Variants in SFSWAP observed in about 807,000 individuals in gnomAD.
SFSWAP encodes the protein splicing factor, suppressor of white-apricot homolog.
Under a neutral mutation model 100.7 loss-of-function variants are expected in SFSWAP, and 17 were observed. The observed-to-expected ratio is 0.17, with a 90% CI of 0.12 to 0.25. The LOEUF is 0.25. Among genes scored for constraint, SFSWAP ranks in the 10% least tolerant of loss-of-function variants. The pLI, the probability that SFSWAP is intolerant of heterozygous loss-of-function variation, is 1.00. For missense variants in SFSWAP, 1,005 were observed against 1,262.6 expected, an observed-to-expected ratio of 0.80 and a Z score of 3.09; for synonymous variants, 504 against 510.1, an observed-to-expected ratio of 0.99 and a Z score of 0.16.
At chr12:131,776,832 TGAG>T (rs1028018969) in intron 13 of SFSWAP, among the ~76,000 whole-genome samples, 30 of 152,214 alleles carry the variant, frequency 2.0e-4, no homozygotes, top group African/African-American at 6.3e-4. Flanking sequence ...TCACTTGAAG[TGAG>T]GAGAGAGTGA....
chr12:131,771,603 C>A (rs868735369), intron 13 of SFSWAP, among the ~76,000 whole-genome samples: 5 of 149,904 alleles, frequency 3.3e-5, no homozygotes, highest in Non-Finnish European at 7.4e-5. Context: ...TCTGCTTTAA[C>A]TTACATATTT....
At chr12:131,768,352 A>G (rs1056495031) in intron 13 of SFSWAP, among the ~76,000 whole-genome samples, 3 of 152,162 alleles carry the variant, frequency 2.0e-5, no homozygotes, top group African/African-American at 7.2e-5. Flanking sequence ...ATTATTGAAA[A>G]CTGATTTTCT....
chr12:131,787,861 T>C (rs1885004565), intron 15 of SFSWAP, among the ~76,000 whole-genome samples: 1 of 152,176 alleles, frequency 6.6e-6, no homozygotes, highest in Non-Finnish European at 1.5e-5. Context: ...TGACAAGATG[T>C]GATTTTTTTC....
intron 13 of SFSWAP, among the ~76,000 whole-genome samples, chr12:131,766,609 T>C (rs1051714856): frequency 2.6e-5 from 4 of 152,222 alleles, no homozygotes; most frequent in Non-Finnish European, 2.9e-5. Context: ...GTGCCTCCCA[T>C]GGGTCCTGCT....
chr12:131,727,143 G>T, intron 6 of SFSWAP, 91 bp downstream of exon 6: 1 of 744,744 alleles, frequency 1.3e-6, no homozygotes, highest in Non-Finnish European at 2.3e-6. Context: ...TCATTCTTGT[G>T]TGTTACAGTT....
At chr12:131,772,540 T>C (rs1883699756) in intron 13 of SFSWAP, among the ~76,000 whole-genome samples, 1 of 152,186 alleles carries the variant, frequency 6.6e-6, no homozygotes, top group African/African-American at 2.4e-5. Flanking sequence ...CTCAATCCCT[T>C]ACGGGAGGGA....
At chr12:131,763,180 A>C (rs1274837651) in intron 11 of SFSWAP, among the ~76,000 whole-genome samples, 1 of 152,120 alleles carries the variant, frequency 6.6e-6, no homozygotes, top group African/African-American at 2.4e-5. Context: ...GGAGCCATAA[A>C]ATGCTAAAGC....
At chr12:131,796,001 G>C (rs1162232434) in intron 15 of SFSWAP, 2 of 8,832 alleles carry the variant, frequency 2.3e-4, no homozygotes, top group Non-Finnish European at 4.9e-4. Flanking sequence ...GGGAGAGGGG[G>C]AGGGGAGGGG....
At chr12:131,779,246 G>GAGGGCGGCGCGGGTGAGCCTGTGTGAAT in intron 14 of SFSWAP, among the ~76,000 whole-genome samples, 1 of 149,414 alleles carries the variant, frequency 6.7e-6, no homozygotes, top group East Asian at 2.0e-4. Flanking sequence ...CGTGTGTGAA[G>GAGGGCGGCGCGGGTGAGCCTGTGTGAAT]AGGGCGGCGC....
At position 131,754,451 on chromosome 12, in the gene SFSWAP, G is replaced by A; in HGVS notation, c.1406G>A (p.Arg469Lys). ...VIDKLAEYVA[R>K]NGLKFETSVR... is the part of the protein sequence containing the mutation. ...GACAAGCTGGCCGAGTATGTCGCCA[G>A]GAACGGCCTGAAGTTCGAGACCAGT... The change falls in exon 9 of 18, where the codon AGG becomes AAG. Residue 469 changes from arginine (R) to lysine (K), a missense_variant. This residue lies in a region of SFSWAP where 311 missense variants were observed against 317.8 expected (regional missense o/e 0.98). Transcript: ENST00000261674. 6.2e-7 allele frequency: 1 copy of A among 1,603,874 alleles called. No individual in the cohort carries two copies. The highest frequency in any genetic ancestry group is 2.3e-5 in the East Asian group (1 of 43,816).
At chr12:131,743,249 C>T (rs1008749211) in intron 7 of SFSWAP, among the ~76,000 whole-genome samples, 3 of 152,238 alleles carry the variant, frequency 2.0e-5, no homozygotes, top group Non-Finnish European at 2.9e-5. Context: ...TAACTCATTT[C>T]AGCATTAACT....
intron 16 of SFSWAP, among the ~76,000 whole-genome samples, 179 bp downstream of exon 16, chr12:131,797,539 A>G (rs926815934): frequency 6.6e-6 from 1 of 152,228 alleles, no homozygotes; most frequent in African/African-American, 2.4e-5. Context: ...GCTTCTCACA[A>G]TCCATGAGCG....
chr12:131,738,493 T>G (rs1345141829), intron 7 of SFSWAP, among the ~76,000 whole-genome samples: 1 of 152,170 alleles, frequency 6.6e-6, no homozygotes, highest in Non-Finnish European at 1.5e-5. Context: ...TACGTTAAAG[T>G]GGAAATAAAC....
In SFSWAP at chr12:131,711,134, A is replaced by C; in HGVS notation, c.-96A>C. 9.9e-7 allele frequency: 1 copy of C among 1,009,944 alleles called. No individual in the cohort carries two copies. Among genetic ancestry groups the C allele is most frequent in the Non-Finnish European group, 1.4e-6 (1 of 708,388 alleles). 62.6% of individuals were successfully genotyped at this position (1,009,944 alleles called of 1,614,324 possible). A position where few individuals can be genotyped will look rare whatever the true frequency, so the allele number is the denominator to read the frequency against. ...CGGCGGTGTTGAGGTTGGGTACGGGATGCGGGGTCTTTGACTGAAGGGGTA... is the reference window on the plus strand; with the variant it reads ...CGGCGGTGTTGAGGTTGGGTACGGGCTGCGGGGTCTTTGACTGAAGGGGTA... On this transcript the variant is annotated 5_prime_UTR_variant, in exon 1 of 18. The change abolishes an upstream ATG in the 5' untranslated region. Coordinates refer to ENST00000261674, the MANE Select transcript of SFSWAP (RefSeq NM_004592.4). The surrounding 1 kb of genome is among the most constrained non-coding windows in gnomAD (Gnocchi z 4.9).
At chr12:131,790,480 A>G (rs1050233855) in intron 15 of SFSWAP, among the ~76,000 whole-genome samples, 7 of 152,230 alleles carry the variant, frequency 4.6e-5, no homozygotes, top group African/African-American at 1.7e-4. Flanking sequence ...AACAACATTC[A>G]TGAAAGTTAT....
intron 4 of SFSWAP, among the ~76,000 whole-genome samples, chr12:131,720,935 A>G (rs187905038): frequency 9.8e-5 from 15 of 152,358 alleles, no homozygotes; most frequent in African/African-American, 3.6e-4. Context: ...TTTATAAAGA[A>G]GAGGTTTAAT....
intron 7 of SFSWAP, 133 bp from the exon 8 acceptor site, chr12:131,752,990 A>G: frequency 1.5e-6 from 2 of 1,358,338 alleles, no homozygotes; most frequent in Non-Finnish European, 2.0e-6. Flanking sequence ...AAAAATCTAG[A>G]AAACAGCATG....
At chr12:131,731,958 G>A (rs575666805) in intron 7 of SFSWAP, among the ~76,000 whole-genome samples, 2 of 128,466 alleles carry the variant, frequency 1.6e-5, no homozygotes, top group South Asian at 2.5e-4. Flanking sequence ...TACCCAGGCT[G>A]GAGTGCAGTG....
At chr12:131,773,118 G>T (rs779447133) in intron 13 of SFSWAP, among the ~76,000 whole-genome samples, 2 of 152,166 alleles carry the variant, frequency 1.3e-5, no homozygotes, top group African/African-American at 4.8e-5. Context: ...TGGGAAAACA[G>T]GGATAGTTGT....
Sources: allele counts gnomAD v4.1 joint callset (sites outside exome capture counted in the v4.1 genomes callset), GRCh38; gene constraint gnomAD v4.1.1; regional missense constraint gnomAD v4.1.1; non-coding constraint Gnocchi (gnomAD v3.1); transcripts MANE v1.5; gene names NCBI Gene and HGNC (gene_info 2026-07-23, HGNC 2026-07-21).